PLXDC2: variants seen among roughly 807,000 people sequenced by gnomAD.
PLXDC2 encodes plexin domain-containing protein 2.
Under a neutral mutation model 68.9 loss-of-function variants are expected in PLXDC2, and 40 were observed. The ratio of observed to expected loss-of-function variants is 0.58; its 90% CI spans 0.45 to 0.76. The LOEUF is 0.76. PLXDC2 is among the 30% of genes least tolerant of loss of function. The pLI, the probability that PLXDC2 is intolerant of heterozygous loss-of-function variation, is 0.00. For synonymous variants in PLXDC2, 243 were observed against 234.2 expected (o/e 1.04, Z -0.34); for missense variants, 644 against 661.9 (o/e 0.97, Z 0.30).
At chr10:19,860,602 T>C (rs2094834831) in intron 1 of PLXDC2, among the ~76,000 whole-genome samples, 2 of 152,180 alleles carry the variant, frequency 1.3e-5, no homozygotes, top group Admixed American at 1.3e-4. Flanking sequence ...CTGTGAGAAA[T>C]CTAAACTTCC....
At chr10:19,921,348 A>C (rs1437432691) in intron 1 of PLXDC2, among the ~76,000 whole-genome samples, 1 of 152,160 alleles carries the variant, frequency 6.6e-6, no homozygotes, top group African/African-American at 2.4e-5. Flanking sequence ...AAAAGCATAG[A>C]GGATATATGA....
At chr10:20,238,551 G>A (rs1325784893) in intron 12 of PLXDC2, among the ~76,000 whole-genome samples, 1 of 150,302 alleles carries the variant, frequency 6.7e-6, no homozygotes, top group Non-Finnish European at 1.5e-5. Flanking sequence ...GGAGGCTGAG[G>A]CAGGAGAATT....
At chr10:20,272,687 A>G (rs1038505431) in intron 13 of PLXDC2, among the ~76,000 whole-genome samples, 5 of 152,156 alleles carry the variant, frequency 3.3e-5, no homozygotes, top group African/African-American at 9.6e-5. Context: ...CTCAAATAAA[A>G]TTGGCTTGTT....
intron 13 of PLXDC2, among the ~76,000 whole-genome samples, chr10:20,269,003 A>G (rs1835903677): frequency 6.6e-6 from 1 of 152,216 alleles, no homozygotes; most frequent in African/African-American, 2.4e-5. Context: ...ATTATGAACT[A>G]AGGCTAATGC....
chr10:20,065,894 T>C (rs1025983072), intron 3 of PLXDC2, among the ~76,000 whole-genome samples: 1 of 152,220 alleles, frequency 6.6e-6, no homozygotes, highest in African/African-American at 2.4e-5. Context: ...CCTGCTGCTG[T>C]GTAGCCCAGT....
Position 19,816,722 on chromosome 10 carries a change from C to T in PLXDC2, c.-358C>T. ...CCCAGTGGAGCGCATCGCTGGGGCT[C>T]GGAAGTCACCGTCCGCGGGCACCGG... On this transcript the variant is annotated 5_prime_UTR_variant, in exon 1 of 14. Coordinates refer to ENST00000377252, the MANE Select transcript of PLXDC2 (RefSeq NM_032812.9). 1 of 396,692 alleles carries T rather than the reference C, an allele frequency of 2.5e-6. No homozygotes were observed. Among genetic ancestry groups the T allele is most frequent in the South Asian group, 2.8e-5 (1 of 35,452 alleles). The allele number at this position is 396,692 out of a possible 1,614,324, so 24.6% of individuals were successfully genotyped here.
At chr10:20,157,434 A>G (rs560684717) in intron 6 of PLXDC2, among the ~76,000 whole-genome samples, 1 of 152,212 alleles carries the variant, frequency 6.6e-6, no homozygotes, top group Non-Finnish European at 1.5e-5. Context: ...TGTAATGGAA[A>G]CAAATGAATG....
chr10:20,184,804 G>A (rs1834658034), intron 9 of PLXDC2, among the ~76,000 whole-genome samples: 1 of 151,820 alleles, frequency 6.6e-6, no homozygotes, highest in Non-Finnish European at 1.5e-5. Flanking sequence ...TATATTTGCA[G>A]CATTAAGTGT....
chr10:20,073,211 G>A (rs1326546169), intron 4 of PLXDC2, among the ~76,000 whole-genome samples: 1 of 152,126 alleles, frequency 6.6e-6, no homozygotes, highest in Non-Finnish European at 1.5e-5. Context: ...TCCATGCTGT[G>A]CAAATAAATA....
chr10:20,262,896 A>G (rs986121639), intron 13 of PLXDC2, among the ~76,000 whole-genome samples: 4 of 152,196 alleles, frequency 2.6e-5, no homozygotes, highest in Admixed American at 2.6e-4. Context: ...CTTGCCAGAT[A>G]TACTGAGCCA....
chr10:19,843,157 A>G (rs1250183868), intron 1 of PLXDC2, among the ~76,000 whole-genome samples: 3 of 152,122 alleles, frequency 2.0e-5, no homozygotes, highest in African/African-American at 4.8e-5. Flanking sequence ...GTAGTTTTAA[A>G]TCACATTTAG....
chr10:20,209,335 A>T (rs1449590922), intron 9 of PLXDC2, among the ~76,000 whole-genome samples: 1 of 151,536 alleles, frequency 6.6e-6, no homozygotes, highest in East Asian at 2.0e-4. Flanking sequence ...GAGGAAAACA[A>T]TGAGAACCTG....
chr10:19,854,477 A>G (rs1010619946), intron 1 of PLXDC2, among the ~76,000 whole-genome samples: 1 of 152,288 alleles, frequency 6.6e-6, no homozygotes, highest in East Asian at 1.9e-4. Context: ...ACTGGTGTCT[A>G]GTGAGTAGAG....
intron 4 of PLXDC2, among the ~76,000 whole-genome samples, chr10:20,087,339 C>G (rs529223464): frequency 1.6e-4 from 25 of 152,164 alleles, no homozygotes; most frequent in Admixed American, 6.5e-4. Flanking sequence ...ACCTGTAACT[C>G]AGAGAATATT....
At chr10:20,107,797 T>C (rs1347948421) in intron 4 of PLXDC2, among the ~76,000 whole-genome samples, 1 of 152,010 alleles carries the variant, frequency 6.6e-6, no homozygotes, top group Non-Finnish European at 1.5e-5. Context: ...ATGAAAATTA[T>C]TTCAAAACAT....
At chr10:19,850,011 T>C (rs753898461) in intron 1 of PLXDC2, among the ~76,000 whole-genome samples, 8 of 152,202 alleles carry the variant, frequency 5.3e-5, no homozygotes, top group Non-Finnish European at 1.2e-4. Context: ...TTACATTTCC[T>C]TACTCCCTAA....
chr10:19,944,943 A>C (rs1447637013), intron 1 of PLXDC2, among the ~76,000 whole-genome samples: 1 of 152,052 alleles, frequency 6.6e-6, no homozygotes, highest in Non-Finnish European at 1.5e-5. Context: ...CAAGAGCGAA[A>C]CTCCATCTCA....
chr10:20,221,391 AGAT>A (rs1835210568), intron 12 of PLXDC2, among the ~76,000 whole-genome samples: 1 of 152,240 alleles, frequency 6.6e-6, no homozygotes. Flanking sequence ...TTGGATTCTC[AGAT>A]GATATTTACA....
At chr10:20,179,365 G>A (rs900783176) in intron 9 of PLXDC2, among the ~76,000 whole-genome samples, 26 of 152,150 alleles carry the variant, frequency 1.7e-4, no homozygotes, top group African/African-American at 5.5e-4. Context: ...CAGAGCCTAA[G>A]AACATACCTG....
Sources: gnomAD v4.1 joint callset for allele counts (sites outside exome capture counted in the v4.1 genomes callset) on GRCh38, gnomAD v4.1.1 for gene constraint, MANE v1.5 for transcripts, NCBI Gene and HGNC (gene_info 2026-07-23, HGNC 2026-07-21) for gene names.